Variants in ITGA8 observed in about 807,000 individuals in gnomAD.
ITGA8 encodes the protein integrin alpha-8.
In ITGA8, 91 loss-of-function variants were observed where a neutral mutation model predicts 142.3. The ratio of observed to expected loss-of-function variants is 0.64; its 90% confidence interval spans 0.54 to 0.76. The LOEUF is 0.76. ITGA8 is among the 30% of genes least tolerant of loss of function. The pLI is 0.00. For synonymous variants in ITGA8, 505 were observed against 485.2 expected (o/e 1.04, Z -0.54); for missense variants, 1,406 against 1,327.7 (o/e 1.06, Z -0.92).
Position 15,644,224 on chromosome 10 carries a change from A to G in ITGA8, c.1208-3T>C, listed in dbSNP as rs923321745. 1 of 1,611,810 alleles carries G rather than the reference A, an allele frequency of 6.2e-7. No homozygotes were observed. Among genetic ancestry groups the G allele is most frequent in the South Asian group, 1.1e-5 (1 of 90,944 alleles). On this transcript the variant is annotated splice_polypyrimidine_tract_variant and splice_region_variant and intron_variant, in intron 12 of 29. Transcript: ENST00000378076. ...AAAAGGCACTCCGATGGCAATGTCTAAAAACAGACATAAAACATGTTTTAT... is the reference window on the plus strand; with the variant it reads ...AAAAGGCACTCCGATGGCAATGTCTGAAAACAGACATAAAACATGTTTTAT...
intron 23 of ITGA8, among the ~76,000 whole-genome samples, chr10:15,577,274 A>T (rs757394009): frequency 1.3e-5 from 2 of 152,176 alleles, no homozygotes; most frequent in Non-Finnish European, 2.9e-5. Context: ...AGGATCATAG[A>T]ATCATATGTA....
intron 24 of ITGA8, 78 bp downstream of exon 24, chr10:15,575,408 GATA>G: frequency 1.0e-6 from 1 of 977,842 alleles, no homozygotes; most frequent in Non-Finnish European, 1.6e-6. Flanking sequence ...TAATGATAAT[GATA>G]ATAATGCTAC....
At chr10:15,582,088 C>G (rs985172366) in intron 23 of ITGA8, among the ~76,000 whole-genome samples, 1 of 152,042 alleles carries the variant, frequency 6.6e-6, no homozygotes, top group South Asian at 2.1e-4. Flanking sequence ...AACGTTTAAA[C>G]ATTAACTCAG....
At chr10:15,600,860 A>G (rs1588667761) in intron 20 of ITGA8, among the ~76,000 whole-genome samples, 1 of 152,146 alleles carries the variant, frequency 6.6e-6, no homozygotes, top group African/African-American at 2.4e-5. Flanking sequence ...TCTCCATCCA[A>G]CTGCTACTGT....
At chr10:15,594,350 C>T (rs983157198) in intron 21 of ITGA8, among the ~76,000 whole-genome samples, 2 of 152,042 alleles carry the variant, frequency 1.3e-5, no homozygotes, top group Non-Finnish European at 2.9e-5. Flanking sequence ...TTCTCTGTCT[C>T]CTTTTTTACC....
At chr10:15,551,709 G>A (rs1185449900) in intron 26 of ITGA8, among the ~76,000 whole-genome samples, 3 of 152,190 alleles carry the variant, frequency 2.0e-5, no homozygotes, top group Non-Finnish European at 4.4e-5. Context: ...CATCAGAAAT[G>A]GGATTCAGTA....
At chr10:15,678,888 T>A in intron 4 of ITGA8, 105 bp from the exon 5 acceptor site, 1 of 618,132 alleles carries the variant, frequency 1.6e-6, no homozygotes, top group Non-Finnish European at 2.8e-6. Context: ...CCTTCTAAAT[T>A]AAAAATGATC....
chr10:15,688,128 AC>A lies in ITGA8; in HGVS notation c.344-91del, dbSNP rs910048019. ...AAATTTGTACATTAAAAATACTTGA[AC>A]TAATACCAATCCTTGTCAAACTCCT... On this transcript the variant is annotated intron_variant, in intron 2 of 29. Coordinates refer to ENST00000378076, the MANE Select transcript of ITGA8 (RefSeq NM_003638.3). The A allele has an allele frequency of 1.5e-5, 13 of 867,032 alleles. No homozygotes were observed. In the African/African-American group the frequency reaches 1.8e-4, roughly 12 times the overall value. 53.7% of individuals were successfully genotyped at this position (867,032 alleles called of 1,614,324 possible).
intron 15 of ITGA8, among the ~76,000 whole-genome samples, chr10:15,612,584 A>T (rs1243696348): frequency 6.6e-6 from 1 of 152,194 alleles, no homozygotes; most frequent in East Asian, 1.9e-4. Flanking sequence ...GTTATAGTCA[A>T]GTTCCATCTT....
chr10:15,694,835 C>T (rs1835022440), intron 2 of ITGA8, among the ~76,000 whole-genome samples: 1 of 151,310 alleles, frequency 6.6e-6, no homozygotes, highest in Admixed American at 6.6e-5. Flanking sequence ...GAACTTATGA[C>T]ACCTCACAAC....
intron 25 of ITGA8, among the ~76,000 whole-genome samples, chr10:15,566,849 A>G (rs1485336447): frequency 1.6e-5 from 2 of 123,236 alleles, no homozygotes; most frequent in African/African-American, 5.8e-5. Context: ...GCAGTGGCTC[A>G]CTCCTGTAAT....
chr10:15,711,273 A>G (rs1186369351), intron 2 of ITGA8, among the ~76,000 whole-genome samples: 2 of 152,154 alleles, frequency 1.3e-5, no homozygotes, highest in Non-Finnish European at 2.9e-5. Flanking sequence ...TGATGATCTG[A>G]CCAATCGTTC....
Position 15,604,199 on chromosome 10 carries a change from A to C in ITGA8, c.2118+9T>G. Reference sequence around the variant, plus strand: ...TAGCTCTTGACTTCAAACAATTTGCAGGCATTACCTTGTTGTTGCGTTCGA... The same window carrying C: ...TAGCTCTTGACTTCAAACAATTTGCCGGCATTACCTTGTTGTTGCGTTCGA... On this transcript the variant is annotated intron_variant, in intron 20 of 29. Coordinates refer to ENST00000378076, the MANE Select transcript of ITGA8 (RefSeq NM_003638.3). 6.2e-7 allele frequency: 1 copy of C among 1,600,528 alleles called. No homozygotes were observed. Among genetic ancestry groups the C allele is most frequent in the Non-Finnish European group, 8.5e-7 (1 of 1,175,432 alleles).
At chr10:15,566,312 C>T (rs1834079325) in intron 25 of ITGA8, among the ~76,000 whole-genome samples, 1 of 152,072 alleles carries the variant, frequency 6.6e-6, no homozygotes, top group African/African-American at 2.4e-5. Flanking sequence ...CATGTTAAGC[C>T]CTTCTTAGTC....
intron 2 of ITGA8, among the ~76,000 whole-genome samples, chr10:15,696,280 C>G (rs569939184): frequency 2.0e-5 from 3 of 152,116 alleles, no homozygotes; most frequent in Non-Finnish European, 4.4e-5. Context: ...CTCAGAAAAG[C>G]TTTTATAGTG....
At chr10:15,544,120 T>C (rs1417614463) in intron 27 of ITGA8, among the ~76,000 whole-genome samples, 1 of 150,826 alleles carries the variant, frequency 6.6e-6, no homozygotes, top group East Asian at 1.9e-4. Flanking sequence ...CATAGCAAGA[T>C]ATAATCTCTA....
At chr10:15,589,094 A>C (rs1377742535) in intron 22 of ITGA8, among the ~76,000 whole-genome samples, 1 of 152,328 alleles carries the variant, frequency 6.6e-6, no homozygotes, top group East Asian at 1.9e-4. Context: ...ATGGAAGCTG[A>C]ACTATTTAAA....
intron 9 of ITGA8, 72 bp downstream of exon 9, chr10:15,660,807 C>T: frequency 8.3e-7 from 1 of 1,201,310 alleles, no homozygotes; most frequent in Middle Eastern, 1.9e-4. Context: ...TGGGTTTATT[C>T]AGATGTAATT....
chr10:15,571,817 C>T (rs1328137978), intron 25 of ITGA8, among the ~76,000 whole-genome samples: 2 of 152,196 alleles, frequency 1.3e-5, no homozygotes, highest in Non-Finnish European at 2.9e-5. Flanking sequence ...CTGGAAGAGC[C>T]TCTTTTGGCA....
Sources: gnomAD v4.1 joint callset for allele counts (sites outside exome capture counted in the v4.1 genomes callset) on GRCh38, gnomAD v4.1.1 for gene constraint, MANE v1.5 for transcripts, NCBI Gene and HGNC (gene_info 2026-07-23, HGNC 2026-07-21) for gene names.